Variants in FBN1 observed in about 807,000 individuals in gnomAD.
FBN1 encodes fibrillin-1.
A neutral mutation model predicts 365.1 loss-of-function variants in FBN1; 29 were observed. The observed-to-expected ratio is 0.08, with a 90% CI of 0.06 to 0.11. FBN1 has a LOEUF of 0.11. Ranked by LOEUF, FBN1 falls within the 10% of genes least tolerant of loss-of-function variation. The probability of loss-of-function intolerance (pLI) is 1.00; values close to 1 mark genes in which losing one functional copy is unlikely to be tolerated. For synonymous variants in FBN1, 1,210 were observed against 1,270.5 expected (o/e 0.95, Z 1.01); for missense variants, 2,476 against 3,703.2 (o/e 0.67, Z 8.60).
intron 13 of FBN1, among the ~76,000 whole-genome samples, chr15:48,512,503 G>A (rs561874090): frequency 5.9e-5 from 9 of 152,142 alleles, no homozygotes; most frequent in Admixed American, 6.6e-5. Context: ...AATAGGCCCC[G>A]GTGTGTGTTG....
intron 2 of FBN1, among the ~76,000 whole-genome samples, chr15:48,618,096 A>G (rs1889692552): frequency 6.6e-6 from 1 of 152,122 alleles, no homozygotes; most frequent in South Asian, 2.1e-4. Flanking sequence ...GAAAAAAACT[A>G]TGATTTAGCC....
chr15:48,473,821 T>TA (rs1566906264), intron 34 of FBN1, among the ~76,000 whole-genome samples: 13 of 151,020 alleles, frequency 8.6e-5, no homozygotes, highest in African/African-American at 3.2e-4. Flanking sequence ...AAAAAAATAA[T>TA]AATAAATAAA....
chr15:48,539,148 C>T (rs986178285), intron 6 of FBN1, among the ~76,000 whole-genome samples: 2 of 152,192 alleles, frequency 1.3e-5, no homozygotes, highest in Admixed American at 6.5e-5. Context: ...TGCATCTCCA[C>T]TCCAACCCCT....
At chr15:48,532,474 A>G (rs182284442) in intron 8 of FBN1, among the ~76,000 whole-genome samples, 70 of 147,642 alleles carry the variant, frequency 4.7e-4, no homozygotes, top group African/African-American at 1.6e-3. Flanking sequence ...GTGTGTGTGT[A>G]TATGTGTGTG....
intron 17 of FBN1, among the ~76,000 whole-genome samples, chr15:48,503,312 A>G (rs560597401): frequency 2.3e-4 from 33 of 145,282 alleles, no homozygotes; most frequent in East Asian, 4.0e-4. Flanking sequence ...AAAAAAAAAA[A>G]AAGAAGAAGA....
chr15:48,542,422 A>C (rs1348286015), intron 6 of FBN1, among the ~76,000 whole-genome samples: 1 of 152,128 alleles, frequency 6.6e-6, no homozygotes, highest in African/African-American at 2.4e-5. Flanking sequence ...CAGCACACTT[A>C]TTTCTCCCAG....
At chr15:48,530,263 A>C (rs1166229683) in intron 8 of FBN1, among the ~76,000 whole-genome samples, 1 of 143,512 alleles carries the variant, frequency 7.0e-6, no homozygotes, top group Non-Finnish European at 1.5e-5. Context: ...ATGGAGTCTG[A>C]ATTCTTATCC....
chr15:48,580,703 C>A (rs1338871225), intron 6 of FBN1, among the ~76,000 whole-genome samples: 1 of 152,152 alleles, frequency 6.6e-6, no homozygotes, highest in Non-Finnish European at 1.5e-5. Context: ...CCAAATGTTT[C>A]TCAGGGGGAA....
chr15:48,453,305 CA>C, intron 44 of FBN1, among the ~76,000 whole-genome samples: 2 of 108,178 alleles, frequency 1.8e-5, no homozygotes, highest in East Asian at 1.1e-3. Flanking sequence ...AAAAAAAAAA[CA>C]CACACAAAAA....
At position 48,427,689 on chromosome 15, in the gene FBN1, G is replaced by C. The variant is rs397515844; in HGVS notation, c.7082C>G (p.Ser2361Trp). The change falls in exon 58 of 66, where the codon TCG becomes TGG. Residue 2361 changes from serine (S) to tryptophan (W), a missense_variant. Coordinates refer to ENST00000316623, the MANE Select transcript of FBN1 (RefSeq NM_000138.5). ...GSSNRNPVTK[S>W]ECCCDGGRGW... ...TCTCCCTCCGTCACAGCAGCATTCC[G>C]ATTTGGTGACGGGGTTCCTGTTGCT... 4 of 1,613,976 alleles carry C rather than the reference G, an allele frequency of 2.5e-6. No homozygotes were observed. In the African/African-American group the frequency reaches 4.0e-5, roughly 16 times the overall value.
chr15:48,516,967 G>A (rs1212429022), intron 10 of FBN1, among the ~76,000 whole-genome samples: 1 of 152,180 alleles, frequency 6.6e-6, no homozygotes, highest in Non-Finnish European at 1.5e-5. Flanking sequence ...GTTCAGTGAA[G>A]TAGATTTTTG....
At chr15:48,510,230 T>A (rs1457972819) in intron 13 of FBN1, 61 bp from the exon 14 acceptor site, 1 of 1,550,382 alleles carries the variant, frequency 6.5e-7, no homozygotes, top group East Asian at 2.3e-5. Context: ...ATTATTTTAT[T>A]TCCCCCTCCC....
chr15:48,420,691 A>G lies in FBN1; in HGVS notation c.7815T>C (p.Cys2605=). Reference sequence around the variant, plus strand: ...GAGTGAGGAAAAGTTACTTGCCAACACACTGGTTCCACTGGTAGTGCTGGA... The same window carrying G: ...GAGTGAGGAAAAGTTACTTGCCAACGCACTGGTTCCACTGGTAGTGCTGGA... ...GYLQHYQWNQ[C]VDENECLSAH... is the part of the protein sequence containing the mutation. Residue 2605 remains cysteine (C), a synonymous_variant, in exon 63 of 66, where the codon TGT becomes TGC. Coordinates refer to ENST00000316623, the MANE Select transcript of FBN1 (RefSeq NM_000138.5). 1 of 1,614,102 alleles carries G rather than the reference A, an allele frequency of 6.2e-7. No homozygotes were observed. Among genetic ancestry groups the G allele is most frequent in the Non-Finnish European group, 8.5e-7 (1 of 1,179,992 alleles).
chr15:48,431,505 T>C (rs965916444), intron 55 of FBN1, among the ~76,000 whole-genome samples: 2 of 152,034 alleles, frequency 1.3e-5, no homozygotes, highest in African/African-American at 2.4e-5. Flanking sequence ...GGATATATCT[T>C]AATATAACAA....
At chr15:48,512,776 T>TC (rs994553257) in intron 13 of FBN1, among the ~76,000 whole-genome samples, 1 of 152,060 alleles carries the variant, frequency 6.6e-6, no homozygotes, top group Admixed American at 6.6e-5. Flanking sequence ...GTTTTTTTTT[T>TC]CTGTCTTTAC....
At chr15:48,455,077 C>T (rs2043228888) in intron 44 of FBN1, among the ~76,000 whole-genome samples, 1 of 152,216 alleles carries the variant, frequency 6.6e-6, no homozygotes, top group Non-Finnish European at 1.5e-5. Context: ...CCAATTTCAG[C>T]ATTGCTGAGG....
intron 2 of FBN1, among the ~76,000 whole-genome samples, chr15:48,635,196 G>A (rs1050551115): frequency 6.6e-6 from 1 of 152,152 alleles, no homozygotes; most frequent in Non-Finnish European, 1.5e-5. Context: ...CCTGCTTGCT[G>A]TCTGGAATAC....
intron 6 of FBN1, among the ~76,000 whole-genome samples, chr15:48,572,292 C>T (rs1597612022): frequency 6.6e-6 from 1 of 152,098 alleles, no homozygotes; most frequent in South Asian, 2.1e-4. Flanking sequence ...CTGAAACTAC[C>T]AAGCTAATAA....
At chr15:48,510,238 C>G in intron 13 of FBN1, 69 bp from the exon 14 acceptor site, 3 of 1,514,298 alleles carry the variant, frequency 2.0e-6, no homozygotes, top group Non-Finnish European at 2.7e-6. Context: ...ATTTCCCCCT[C>G]CCTCCATTTG....
Sources: gnomAD v4.1 joint callset for allele counts (sites outside exome capture counted in the v4.1 genomes callset) on GRCh38, gnomAD v4.1.1 for gene constraint, MANE v1.5 for transcripts, NCBI Gene and HGNC (gene_info 2026-07-23, HGNC 2026-07-21) for gene names.